Variants in PLA2G4A observed in about 807,000 individuals in gnomAD.
PLA2G4A encodes cytosolic phospholipase A2.
PLA2G4A carries 40 observed loss-of-function variants against 81.9 expected under a neutral mutation model. That is an observed-to-expected ratio of 0.49 (90% CI 0.38 to 0.64). PLA2G4A has a LOEUF of 0.64. PLA2G4A is among the 30% of genes least tolerant of loss of function. The probability of loss-of-function intolerance (pLI) is 0.00; values close to 1 mark genes in which losing one functional copy is unlikely to be tolerated. For synonymous variants in PLA2G4A, 302 were observed against 296.9 expected, an observed-to-expected ratio of 1.02 and a Z score of -0.18; for missense variants, 715 against 905.1, an observed-to-expected ratio of 0.79 and a Z score of 2.69.
At chr1:186,933,943 T>A (rs747826478) in intron 8 of PLA2G4A, among the ~76,000 whole-genome samples, 3 of 152,128 alleles carry the variant, frequency 2.0e-5, no homozygotes, top group Non-Finnish European at 4.4e-5. Context: ...TCATCCACAG[T>A]TTCTTAAATG....
Position 186,952,801 on chromosome 1 carries a change from A to G in PLA2G4A, c.1336+2073A>G, listed in dbSNP as rs576523359. The stretch of plus-strand genomic sequence containing the variant: ...CCAGAATGTCATGTAGTCAGAATCA[A>G]ACAATAATGTAGCCTTTTCAGATCT... On this transcript the variant is annotated intron_variant, in intron 13 of 17. Coordinates refer to ENST00000367466, the MANE Select transcript of PLA2G4A (RefSeq NM_024420.3). 3.3e-4 allele frequency among the ~76,000 whole-genome samples: 50 copies of G among 150,534 alleles called. No individual in the cohort carries two copies. In the South Asian group the frequency reaches 0.01, roughly 31 times the overall value.
At chr1:186,852,414 C>T (rs927940168) in intron 1 of PLA2G4A, among the ~76,000 whole-genome samples, 2 of 151,998 alleles carry the variant, frequency 1.3e-5, no homozygotes, top group African/African-American at 4.8e-5. Context: ...AGCTGAGTGC[C>T]TTAGTCTGTT....
intron 5 of PLA2G4A, among the ~76,000 whole-genome samples, chr1:186,894,474 T>A (rs1263461660): frequency 1.3e-5 from 2 of 152,156 alleles, no homozygotes; most frequent in Admixed American, 1.3e-4. Context: ...ACATTGGGAT[T>A]CAGCAATGCC....
chr1:186,842,150 C>T (rs1234312930), intron 1 of PLA2G4A, among the ~76,000 whole-genome samples: 9 of 150,872 alleles, frequency 6.0e-5, no homozygotes. Context: ...TCAAGCAATT[C>T]TCCTGCCTCA....
At chr1:186,956,658 T>G (rs1438259181) in intron 14 of PLA2G4A, among the ~76,000 whole-genome samples, 1 of 151,874 alleles carries the variant, frequency 6.6e-6, no homozygotes, top group Non-Finnish European at 1.5e-5. Flanking sequence ...GGACTACAGG[T>G]GCACACCACC....
chr1:186,920,537 G>T (rs942022997), intron 7 of PLA2G4A, among the ~76,000 whole-genome samples: 2 of 152,222 alleles, frequency 1.3e-5, no homozygotes, highest in African/African-American at 4.8e-5. Flanking sequence ...CTTCAGTCCA[G>T]TAGCCCTTCA....
At chr1:186,911,460 T>G in intron 7 of PLA2G4A, 71 bp downstream of exon 7, 1 of 1,141,506 alleles carries the variant, frequency 8.8e-7, no homozygotes, top group South Asian at 1.2e-5. Flanking sequence ...CCCCAATAAT[T>G]TTACCCAAAT....
At chr1:186,859,983 A>G (rs1455057125) in intron 2 of PLA2G4A, among the ~76,000 whole-genome samples, 1 of 152,166 alleles carries the variant, frequency 6.6e-6, no homozygotes, top group East Asian at 1.9e-4. Context: ...AGAAAATCAT[A>G]AATATGAAAG....
chr1:186,857,865 T>G (rs768393645), intron 2 of PLA2G4A, among the ~76,000 whole-genome samples: 15 of 152,126 alleles, frequency 9.9e-5, no homozygotes, highest in Non-Finnish European at 2.2e-4. Flanking sequence ...TGGTTTTCTG[T>G]TCCTGTGTTA....
intron 1 of PLA2G4A, among the ~76,000 whole-genome samples, chr1:186,840,759 C>G (rs971869590): frequency 6.6e-6 from 1 of 152,132 alleles, no homozygotes; most frequent in African/African-American, 2.4e-5. Context: ...TGAGTGTTTT[C>G]CCTGAACTGT....
At chr1:186,843,630 T>TAGTCA (rs1415218044) in intron 1 of PLA2G4A, among the ~76,000 whole-genome samples, 2 of 152,186 alleles carry the variant, frequency 1.3e-5, no homozygotes, top group East Asian at 3.8e-4. Context: ...AATTAAGAGA[T>TAGTCA]GACTGACTTT....
intron 7 of PLA2G4A, among the ~76,000 whole-genome samples, chr1:186,913,917 A>G (rs948333694): frequency 1.3e-5 from 2 of 152,176 alleles, no homozygotes; most frequent in Non-Finnish European, 2.9e-5. Flanking sequence ...GGTAGGGTTC[A>G]AAAGCCAACC....
intron 1 of PLA2G4A, among the ~76,000 whole-genome samples, chr1:186,837,734 C>G (rs570298639): frequency 3.4e-3 from 126 of 37,202 alleles, no homozygotes; most frequent in Admixed American, 8.7e-3. Context: ...GAGACTCCGT[C>G]TCAAAAAAAA....
chr1:186,831,658 C>T (rs887181354), intron 1 of PLA2G4A, among the ~76,000 whole-genome samples: 2 of 152,104 alleles, frequency 1.3e-5, no homozygotes, highest in African/African-American at 4.8e-5. Flanking sequence ...ATCACACTCA[C>T]TGCTTAAAAT....
intron 3 of PLA2G4A, 177 bp downstream of exon 3, chr1:186,870,693 T>A: frequency 6.6e-7 from 1 of 1,507,924 alleles, no homozygotes; most frequent in Non-Finnish European, 9.0e-7. Flanking sequence ...ATTAGCATTT[T>A]ACCTGGGCCT....
chr1:186,954,781 T>C (rs1022737495), intron 13 of PLA2G4A, among the ~76,000 whole-genome samples: 1 of 151,990 alleles, frequency 6.6e-6, no homozygotes, highest in South Asian at 2.1e-4. Flanking sequence ...AAAAACGGGG[T>C]TTAGGCAGGT....
intron 3 of PLA2G4A, among the ~76,000 whole-genome samples, chr1:186,881,758 TGA>T (rs1306522268): frequency 6.6e-6 from 1 of 152,090 alleles, no homozygotes; most frequent in Non-Finnish European, 1.5e-5. Context: ...CCAGGAGGGT[TGA>T]GACCTATTAC....
intron 7 of PLA2G4A, among the ~76,000 whole-genome samples, chr1:186,915,784 G>A (rs1175538844): frequency 6.6e-6 from 1 of 152,156 alleles, no homozygotes; most frequent in Non-Finnish European, 1.5e-5. Context: ...GCTCCACCAA[G>A]TGACTGTTTT....
At chr1:186,950,869 AGAG>A in intron 13 of PLA2G4A, 141 bp downstream of exon 13, 1 of 678,124 alleles carries the variant, frequency 1.5e-6, no homozygotes, top group Non-Finnish European at 2.8e-6. Context: ...CTGTTGAGAG[AGAG>A]GATTGCATGT....
Sources: gnomAD v4.1 joint callset for allele counts (sites outside exome capture counted in the v4.1 genomes callset) on GRCh38, gnomAD v4.1.1 for gene constraint, MANE v1.5 for transcripts, NCBI Gene and HGNC (gene_info 2026-07-23, HGNC 2026-07-21) for gene names.